Variants in CAMTA1 observed in about 807,000 individuals in gnomAD.
The protein encoded by CAMTA1 is calmodulin binding transcription activator 1, also known as calmodulin-binding transcription activator 1.
A neutral mutation model predicts 170.9 loss-of-function variants in CAMTA1; 27 were observed. That is an observed-to-expected ratio of 0.16 (90% CI 0.12 to 0.22). The LOEUF (loss-of-function observed/expected upper bound fraction) is 0.22. Ranked by LOEUF, CAMTA1 falls within the 10% of genes least tolerant of loss-of-function variation. The pLI is 1.00. For missense variants in CAMTA1, 1,619 were observed against 2,217.2 expected (o/e 0.73, Z 5.42); for synonymous variants, 833 against 891.5 (o/e 0.93, Z 1.17).
chr1:6,882,242 G>A (rs758136950), intron 3 of CAMTA1, among the ~76,000 whole-genome samples: 1 of 152,196 alleles, frequency 6.6e-6, no homozygotes, highest in African/African-American at 2.4e-5. Flanking sequence ...ATCTGAGGCC[G>A]CTTTTGAGCT....
Position 7,732,392 on chromosome 1 carries a change from T to G in CAMTA1, c.2915-56T>G. The G allele has an allele frequency of 6.5e-7, 1 of 1,527,920 alleles. No individual in the cohort carries two copies. The highest frequency in any genetic ancestry group is 9.1e-7 in the Non-Finnish European group (1 of 1,103,242). 94.6% of individuals were successfully genotyped at this position (1,527,920 alleles called of 1,614,324 possible). The stretch of plus-strand genomic sequence containing the variant: ...GTCCCGCAAGGCTGGCGAGGCCACG[T>G]GTTGACTGCTTTTCTTCCAGAACAC... On this transcript the variant is annotated intron_variant, in intron 11 of 22. Coordinates refer to ENST00000303635, the MANE Select transcript of CAMTA1 (RefSeq NM_015215.4). This position sits in a 1 kb window ranked among gnomAD's most constrained non-coding sequence, Gnocchi z 4.1.
At chr1:7,098,792 C>G (rs1437642698) in intron 4 of CAMTA1, among the ~76,000 whole-genome samples, 2 of 152,126 alleles carry the variant, frequency 1.3e-5, no homozygotes, top group Admixed American at 1.3e-4. Context: ...GGCTCCTGAT[C>G]AGAGGACATG....
intron 3 of CAMTA1, among the ~76,000 whole-genome samples, chr1:7,040,149 C>T (rs978585636): frequency 3.3e-5 from 5 of 150,480 alleles, no homozygotes; most frequent in African/African-American, 7.3e-5. Context: ...ATTTTAGACA[C>T]GCTAACTGTG....
At position 7,195,630 on chromosome 1, in the gene CAMTA1, C is replaced by G. The variant is rs1057089616; in HGVS notation, c.303-53861C>G. Among the ~76,000 whole-genome samples, 5 of 152,208 alleles carry G rather than the reference C, an allele frequency of 3.3e-5. No homozygotes were observed. The highest frequency in any genetic ancestry group is 4.8e-5 in the African/African-American group (2 of 41,464). ...CCTTCAGCCAGGTGCCCGCACTGCTCCTGAGACCACTCTGACCCCATGAGG... is the reference window on the plus strand; with the variant it reads ...CCTTCAGCCAGGTGCCCGCACTGCTGCTGAGACCACTCTGACCCCATGAGG... On this transcript the variant is annotated intron_variant, in intron 4 of 22. Transcript: ENST00000303635. The surrounding 1 kb of genome is among the most constrained non-coding windows in gnomAD (Gnocchi z 4.1).
chr1:6,849,502 A>G (rs912108939), intron 3 of CAMTA1, among the ~76,000 whole-genome samples: 3 of 152,102 alleles, frequency 2.0e-5, no homozygotes, highest in African/African-American at 4.8e-5. Flanking sequence ...CTAAGAAGGA[A>G]TAGTTGAAGA....
At position 7,681,102 on chromosome 1, in the gene CAMTA1, C is replaced by G. The variant is rs2096200152; in HGVS notation, c.2914+3369C>G. On this transcript the variant is annotated intron_variant, in intron 11 of 22. Coordinates refer to ENST00000303635, the MANE Select transcript of CAMTA1 (RefSeq NM_015215.4). The surrounding 1 kb of genome is among the most constrained non-coding windows in gnomAD (Gnocchi z 4.6). ...GAGGAGGAATCGCAGCCTTCTGGAT[C>G]CCGGAGCTGCAGCGCCTCCCCCAGA... Among the ~76,000 whole-genome samples, 1 of 152,130 alleles carries G rather than the reference C, an allele frequency of 6.6e-6. No individual in the cohort carries two copies. Among genetic ancestry groups the G allele is most frequent in the Non-Finnish European group, 1.5e-5 (1 of 68,022 alleles).
At chr1:6,786,557 G>C (rs2147961313) in intron 1 of CAMTA1, among the ~76,000 whole-genome samples, 1 of 152,300 alleles carries the variant, frequency 6.6e-6, no homozygotes, top group Admixed American at 6.5e-5. Context: ...TCACCCAGTG[G>C]ATAGTGGGGG....
chr1:7,745,413 C>T (rs1284584426), intron 17 of CAMTA1, among the ~76,000 whole-genome samples: 6 of 152,086 alleles, frequency 3.9e-5, no homozygotes, highest in Admixed American at 3.3e-4. Context: ...GTAATCCCAG[C>T]TACTTGGGAG....
At chr1:7,535,303 C>T (rs900085401) in intron 6 of CAMTA1, among the ~76,000 whole-genome samples, 1 of 151,262 alleles carries the variant, frequency 6.6e-6, no homozygotes, top group Non-Finnish European at 1.5e-5. Flanking sequence ...GGGAGCTCTT[C>T]CTTGGGCTGG....
intron 6 of CAMTA1, among the ~76,000 whole-genome samples, chr1:7,576,783 C>T (rs1426527801): frequency 6.6e-6 from 1 of 152,118 alleles, no homozygotes; most frequent in African/African-American, 2.4e-5. Flanking sequence ...AGCAACCATC[C>T]TTGAGAGAGT....
At chr1:7,098,435 C>T (rs1028797173) in intron 4 of CAMTA1, among the ~76,000 whole-genome samples, 10 of 152,332 alleles carry the variant, frequency 6.6e-5, no homozygotes, top group Admixed American at 3.3e-4. Context: ...AGGGAGTTGG[C>T]GGGTGCCACA....
At chr1:7,309,591 G>A (rs1337297385) in intron 5 of CAMTA1, among the ~76,000 whole-genome samples, 5 of 152,022 alleles carry the variant, frequency 3.3e-5, no homozygotes, top group Admixed American at 1.3e-4. Context: ...GAGCCGCCGC[G>A]CCCGGCCTGA....
chr1:7,498,781 G>A (rs566985576), intron 6 of CAMTA1, among the ~76,000 whole-genome samples: 1 of 148,152 alleles, frequency 6.7e-6, no homozygotes, highest in South Asian at 2.1e-4. Flanking sequence ...GTGTGCATGT[G>A]TATGTATGTG....
At position 7,601,705 on chromosome 1, in the gene CAMTA1, G is replaced by A. The variant is rs576899633; in HGVS notation, c.511-38695G>A. ...TGCAATCCCGGCACCTCGGGAGGCC[G>A]AGGCTGGCGGATCCCTCGCGGTTAG... On this transcript the variant is annotated intron_variant, in intron 6 of 22. Coordinates refer to ENST00000303635, the MANE Select transcript of CAMTA1 (RefSeq NM_015215.4). 1.4e-3 allele frequency among the ~76,000 whole-genome samples: 211 copies of A among 152,346 alleles called. 8 individuals are homozygous for A. In the South Asian group the frequency reaches 0.042, roughly 31 times the overall value.
At chr1:7,442,252 C>A (rs1471110020) in intron 5 of CAMTA1, among the ~76,000 whole-genome samples, 1 of 152,044 alleles carries the variant, frequency 6.6e-6, no homozygotes, top group Non-Finnish European at 1.5e-5. Context: ...TTAATCTGAG[C>A]GGGATTATAA....
chr1:7,085,565 A>G (rs1222696332), intron 3 of CAMTA1, among the ~76,000 whole-genome samples: 1 of 152,280 alleles, frequency 6.6e-6, no homozygotes, highest in South Asian at 2.1e-4. Context: ...ACGTTCCAGA[A>G]GCTGCAGTGC....
At chr1:7,190,613 T>G (rs910750096) in intron 4 of CAMTA1, among the ~76,000 whole-genome samples, 6 of 152,184 alleles carry the variant, frequency 3.9e-5, no homozygotes, top group Non-Finnish European at 4.4e-5. Context: ...TCCAACTGTT[T>G]GAGTGTTGTT....
chr1:7,509,815 T>G (rs1312433107), intron 6 of CAMTA1, among the ~76,000 whole-genome samples: 1 of 151,930 alleles, frequency 6.6e-6, no homozygotes, highest in Non-Finnish European at 1.5e-5. Context: ...TGTGAGGGGA[T>G]GTGGACATGG....
At position 7,036,718 on chromosome 1, in the gene CAMTA1, A is replaced by G. The variant is rs576811164; in HGVS notation, c.235-54586A>G. Among the ~76,000 whole-genome samples the G allele has an allele frequency of 1.3e-3, 198 of 152,136 alleles. 1 individual carries two copies. The highest frequency in any genetic ancestry group is 4.6e-3 in the African/African-American group (191 of 41,508). ...CTCTTTCAGCTCTTCTTCCAAACCT[A>G]TTTTCGGGCATAGTTTGTTACGTTT... On this transcript the variant is annotated intron_variant, in intron 3 of 22. Coordinates refer to ENST00000303635, the MANE Select transcript of CAMTA1 (RefSeq NM_015215.4).
Sources: allele counts gnomAD v4.1 joint callset (sites outside exome capture counted in the v4.1 genomes callset), GRCh38; gene constraint gnomAD v4.1.1; non-coding constraint Gnocchi (gnomAD v3.1); transcripts MANE v1.5; gene names NCBI Gene and HGNC (gene_info 2026-07-23, HGNC 2026-07-21).